Variants in CEMIP2 observed in about 807,000 individuals in gnomAD.
The protein encoded by CEMIP2 is cell surface hyaluronidase CEMIP2.
Under a neutral mutation model 146.9 loss-of-function variants are expected in CEMIP2, and 79 were observed. The observed-to-expected ratio is 0.54, with a 90% CI of 0.45 to 0.65. The LOEUF is 0.65. Among genes scored for constraint, CEMIP2 ranks in the 30% least tolerant of loss-of-function variants. CEMIP2 has a pLI of 0.00. For synonymous variants in CEMIP2, 601 were observed against 606.3 expected, an observed-to-expected ratio of 0.99 and a Z score of 0.13; for missense variants, 1,596 against 1,696.2, an observed-to-expected ratio of 0.94 and a Z score of 1.04.
intron 1 of CEMIP2, among the ~76,000 whole-genome samples, chr9:71,763,362 G>T (rs1280458308): frequency 6.6e-6 from 1 of 152,084 alleles, no homozygotes; most frequent in African/African-American, 2.4e-5. Context: ...ACCTGACCAC[G>T]ATATCAAATT....
intron 1 of CEMIP2, among the ~76,000 whole-genome samples, chr9:71,760,454 CTA>C (rs1824598233): frequency 7.0e-6 from 1 of 143,688 alleles, no homozygotes; most frequent in African/African-American, 2.4e-5. Context: ...AAATTCATTC[CTA>C]TGTTTCTGTC....
intron 3 of CEMIP2, 73 bp downstream of exon 3, chr9:71,746,128 C>T: frequency 6.5e-7 from 1 of 1,546,398 alleles, no homozygotes; most frequent in Non-Finnish European, 8.8e-7. Context: ...TAGTCTTCTA[C>T]ATAAGGAACA....
At chr9:71,718,752 T>A (rs1347471475) in intron 12 of CEMIP2, among the ~76,000 whole-genome samples, 3 of 152,058 alleles carry the variant, frequency 2.0e-5, no homozygotes, top group Non-Finnish European at 4.4e-5. Flanking sequence ...AAGTTTTGTA[T>A]TTTTAGCAGA....
Position 71,730,218 on chromosome 9 carries a change from A to G in CEMIP2, c.1809T>C (p.His603=), listed in dbSNP as rs2131966065. The G allele has an allele frequency of 1.9e-6, 3 of 1,614,190 alleles. No homozygotes were observed. Among genetic ancestry groups the G allele is most frequent in the Non-Finnish European group, 2.5e-6 (3 of 1,180,036 alleles). ...CAATACCATCTTCCAAAAAGAAACA[A>G]TGACCTAGTGTGTCAAACCCAATGG... ...KDTIGFDTLG[H]CFFLEDGIEQ... The change falls in exon 9 of 24, where the codon CAT becomes CAC. Residue 603 remains histidine (H), a synonymous_variant. Coordinates refer to ENST00000377044, the MANE Select transcript of CEMIP2 (RefSeq NM_013390.3).
intron 1 of CEMIP2, among the ~76,000 whole-genome samples, chr9:71,761,668 A>G (rs1824641432): frequency 6.6e-6 from 1 of 152,222 alleles, no homozygotes; most frequent in Non-Finnish European, 1.5e-5. Context: ...AGCATCTCTT[A>G]TGAGAAAAGG....
intron 19 of CEMIP2, among the ~76,000 whole-genome samples, chr9:71,698,421 C>T (rs1008225948): frequency 6.6e-6 from 1 of 152,206 alleles, no homozygotes; most frequent in East Asian, 1.9e-4. Flanking sequence ...TCATACCCTG[C>T]TTCCATTGTT....
At chr9:71,735,847 CT>C (rs1340373417) in intron 5 of CEMIP2, among the ~76,000 whole-genome samples, 1 of 152,156 alleles carries the variant, frequency 6.6e-6, no homozygotes, top group East Asian at 1.9e-4. Context: ...AATCTCAACA[CT>C]TTGGGAGGCC....
At chr9:71,765,252 T>C (rs1824755072) in intron 1 of CEMIP2, among the ~76,000 whole-genome samples, 2 of 152,314 alleles carry the variant, frequency 1.3e-5, no homozygotes, top group African/African-American at 4.8e-5. Context: ...AATCTGTAGC[T>C]GAGACCTGAT....
chr9:71,765,367 T>C (rs757116976), intron 1 of CEMIP2, among the ~76,000 whole-genome samples: 2 of 152,222 alleles, frequency 1.3e-5, no homozygotes, highest in Non-Finnish European at 2.9e-5. Context: ...TATTAATACA[T>C]AGCAAACTTA....
intron 12 of CEMIP2, 93 bp from the exon 13 acceptor site, chr9:71,718,172 A>G (rs1823124572): frequency 5.1e-6 from 6 of 1,187,698 alleles, no homozygotes; most frequent in Non-Finnish European, 5.6e-6. Flanking sequence ...CAGAATTTAA[A>G]TTTGACCAAA....
intron 6 of CEMIP2, among the ~76,000 whole-genome samples, chr9:71,734,504 A>G (rs1462170301): frequency 1.3e-5 from 2 of 152,226 alleles, no homozygotes; most frequent in Non-Finnish European, 2.9e-5. Flanking sequence ...CATGTAACCC[A>G]GAACTTAAAA....
chr9:71,757,689 GAGA>G (rs1824505718), intron 1 of CEMIP2, among the ~76,000 whole-genome samples: 2 of 152,196 alleles, frequency 1.3e-5, no homozygotes, highest in South Asian at 4.1e-4. Flanking sequence ...CTACTTTCAG[GAGA>G]AGAACACAAC....
chr9:71,712,299 G>A, intron 15 of CEMIP2, 39 bp from the exon 16 acceptor site: 1 of 1,590,352 alleles, frequency 6.3e-7, no homozygotes, highest in Non-Finnish European at 8.6e-7. Flanking sequence ...CATATGGGCT[G>A]TCCCCTTAGC....
intron 19 of CEMIP2, 85 bp downstream of exon 19, chr9:71,700,557 A>T: frequency 1.4e-6 from 2 of 1,414,632 alleles, no homozygotes; most frequent in African/African-American, 1.4e-5. Flanking sequence ...CTGCTTCACT[A>T]AACAGCCGCG....
rs1822448855 is a variant in CEMIP2, at chr9:71,698,005, G to A, written c.3577C>T (p.Gln1193Ter). 1 of 1,614,082 alleles carries A rather than the reference G, an allele frequency of 6.2e-7. No individual in the cohort carries two copies. Among genetic ancestry groups the A allele is most frequent in the East Asian group, 2.2e-5 (1 of 44,882 alleles). The change falls in exon 20 of 24, where the codon CAA becomes TAA. Residue 1193 changes from glutamine to a stop codon, truncating the protein, a stop_gained. Transcript: ENST00000377044. LOFTEE classifies it high-confidence loss of function. ...TTTACCTGCCGAGTGCCACAGCCTT[G>A]ACAGAGTCCAGTGAGCATGGCCGGC... The part of the protein sequence containing the change: ...RMPAMLTGLC[Q>*]GCGTRQVVFT...
chr9:71,711,465 G>T (rs929052054), intron 16 of CEMIP2, among the ~76,000 whole-genome samples: 1 of 151,930 alleles, frequency 6.6e-6, no homozygotes, highest in Non-Finnish European at 1.5e-5. Flanking sequence ...AGCTACTTAG[G>T]GGGCTGAGGT....
chr9:71,690,271 C>T lies in CEMIP2; in HGVS notation c.3697-25G>A, dbSNP rs374336483. ...CCTGAGAATGCAAAAACATCTTCTG[C>T]TGTCATCATCATTTTGAGAACATCT... On this transcript the variant is annotated intron_variant, in intron 21 of 23. Coordinates refer to ENST00000377044, the MANE Select transcript of CEMIP2 (RefSeq NM_013390.3). The T allele has an allele frequency of 9.5e-5, 153 of 1,606,310 alleles. 2 individuals carry two copies. The highest frequency in any genetic ancestry group is 8.6e-4 in the Middle Eastern group (5 of 5,804).
intron 22 of CEMIP2, chr9:71,686,310 A>C (rs1408894587): frequency 6.3e-6 from 1 of 159,924 alleles, no homozygotes; most frequent in Non-Finnish European, 1.4e-5. Flanking sequence ...CATGTGAGGG[A>C]TCTAGGTTGT....
intron 2 of CEMIP2, among the ~76,000 whole-genome samples, chr9:71,747,220 A>C (rs1164627325): frequency 6.6e-6 from 1 of 152,242 alleles, no homozygotes; most frequent in Non-Finnish European, 1.5e-5. Flanking sequence ...GTATTTGTGG[A>C]GCATCAATTT....
Sources: gnomAD v4.1 joint callset for allele counts (sites outside exome capture counted in the v4.1 genomes callset) on GRCh38, gnomAD v4.1.1 for gene constraint, MANE v1.5 for transcripts, NCBI Gene and HGNC (gene_info 2026-07-23, HGNC 2026-07-21) for gene names.